Variants in HPSE2 observed in about 807,000 individuals in gnomAD.
HPSE2 encodes the protein heparanase 2 (inactive), also known as inactive heparanase-2.
A neutral mutation model predicts 60.5 loss-of-function variants in HPSE2; 38 were observed. The ratio of observed to expected loss-of-function variants is 0.63; its 90% confidence interval spans 0.48 to 0.82. The LOEUF (loss-of-function observed/expected upper bound fraction) is 0.82, where lower values mean the gene tolerates loss of function less well. Among genes scored for constraint, HPSE2 ranks in the 40% least tolerant of loss-of-function variants. The pLI is 0.00. For missense variants in HPSE2, 713 were observed against 740.4 expected (o/e 0.96, Z 0.43); for synonymous variants, 295 against 293.2 (o/e 1.01, Z -0.06).
the HPSE2 span, among the ~76,000 whole-genome samples, chr10:99,315,463 T>C: frequency 6.6e-6 from 1 of 152,146 alleles, no homozygotes; most frequent in African/African-American, 2.4e-5. Context: ...AACTCCTAGT[T>C]TAACAATGGA....
chr10:99,133,028 T>C (rs1402090635), intron 3 of HPSE2, among the ~76,000 whole-genome samples: 1 of 152,156 alleles, frequency 6.6e-6, no homozygotes, highest in Non-Finnish European at 1.5e-5. Flanking sequence ...CAGTCTGAGA[T>C]TGACCTGGGA....
chr10:99,113,475 A>G (rs577011229), intron 3 of HPSE2, among the ~76,000 whole-genome samples: 1 of 152,304 alleles, frequency 6.6e-6, no homozygotes, highest in South Asian at 2.1e-4. Context: ...ACATACGTAT[A>G]TACACACATG....
intron 3 of HPSE2, chr10:99,047,791 C>T: frequency 3.6e-6 from 3 of 826,398 alleles, no homozygotes; most frequent in Non-Finnish European, 6.3e-6. Flanking sequence ...AGCTTATCTA[C>T]AAAAAAGCAA....
At chr10:98,590,503 C>T (rs1945061163) in intron 9 of HPSE2, among the ~76,000 whole-genome samples, 1 of 152,278 alleles carries the variant, frequency 6.6e-6, no homozygotes, top group Non-Finnish European at 1.5e-5. Context: ...CTTTCATTTT[C>T]GGATTCTCTT....
chr10:99,191,004 C>T (rs1848201284), intron 2 of HPSE2, among the ~76,000 whole-genome samples: 2 of 152,106 alleles, frequency 1.3e-5, no homozygotes, highest in African/African-American at 4.8e-5. Context: ...CACAGCAGGC[C>T]TAGGGTGGTC....
intron 7 of HPSE2, among the ~76,000 whole-genome samples, chr10:98,630,183 GTTTTTTTTTTTGTTT>G (rs1394614448): frequency 6.2e-4 from 80 of 129,906 alleles, no homozygotes; most frequent in African/African-American, 2.0e-3. Flanking sequence ...CGAAGCAATC[GTTTTTTTTTTTGTTT>G]TTTTTTTTTT....
At chr10:98,483,950 T>C (rs905725646) in intron 10 of HPSE2, among the ~76,000 whole-genome samples, 2 of 152,246 alleles carry the variant, frequency 1.3e-5, no homozygotes, top group African/African-American at 4.8e-5. Flanking sequence ...AAGCTTTCAC[T>C]AATTTTGCTC....
At chr10:99,039,667 A>G (rs1461521982) in intron 3 of HPSE2, among the ~76,000 whole-genome samples, 1 of 152,028 alleles carries the variant, frequency 6.6e-6, no homozygotes, top group Non-Finnish European at 1.5e-5. Context: ...ATAATTATCT[A>G]TCGGTGTAAT....
intron 3 of HPSE2, among the ~76,000 whole-genome samples, chr10:98,754,870 GA>G (rs897674737): frequency 1.3e-5 from 2 of 151,718 alleles, no homozygotes; most frequent in Admixed American, 1.3e-4. Context: ...TTCCTTAAAA[GA>G]GGTTCTTAAC....
At chr10:98,500,778 C>A (rs1443132028) in intron 9 of HPSE2, among the ~76,000 whole-genome samples, 1 of 151,636 alleles carries the variant, frequency 6.6e-6, no homozygotes, top group Non-Finnish European at 1.5e-5. Flanking sequence ...AGACCATTAG[C>A]AAGAATAACC....
At chr10:98,570,861 C>T (rs920974233) in intron 9 of HPSE2, among the ~76,000 whole-genome samples, 11 of 152,062 alleles carry the variant, frequency 7.2e-5, no homozygotes, top group African/African-American at 2.4e-4. Flanking sequence ...TAAAAAAATA[C>T]GATTCTTTCT....
intron 7 of HPSE2, among the ~76,000 whole-genome samples, chr10:98,636,344 A>G (rs547054664): frequency 7.3e-5 from 11 of 151,168 alleles, no homozygotes; most frequent in African/African-American, 2.4e-4. Flanking sequence ...GGTTCAAGTG[A>G]TTCTCCTGCC....
rs1014751241 is a variant in HPSE2, at chr10:98,826,280, T to C, written c.611-82224A>G. On this transcript the variant is annotated intron_variant, in intron 3 of 11. Coordinates refer to ENST00000370552, the MANE Select transcript of HPSE2 (RefSeq NM_021828.5). The stretch of plus-strand genomic sequence containing the variant: ...ACTCTGAAAGGATTTTATGTCTGTA[T>C]TGTGTAGGGTCAACAAAAAAGACTC... Among the ~76,000 whole-genome samples the C allele has an allele frequency of 2.6e-5, 4 of 152,344 alleles. No individual in the cohort carries two copies. The East Asian group carries it at 5.8e-4, about 22-fold the overall frequency.
chr10:98,541,071 T>A (rs577739957), intron 9 of HPSE2, among the ~76,000 whole-genome samples: 1 of 152,338 alleles, frequency 6.6e-6, no homozygotes, highest in East Asian at 1.9e-4. Context: ...CAGATTTTAA[T>A]GTAATAATTT....
intron 3 of HPSE2, among the ~76,000 whole-genome samples, chr10:98,817,076 G>C (rs545954551): frequency 6.6e-6 from 1 of 152,074 alleles, no homozygotes; most frequent in South Asian, 2.1e-4. Flanking sequence ...CCTCCCTTTG[G>C]TTGAGGTCAA....
chr10:98,956,175 C>T (rs1358395154), intron 3 of HPSE2, among the ~76,000 whole-genome samples: 1 of 152,086 alleles, frequency 6.6e-6, no homozygotes, highest in Non-Finnish European at 1.5e-5. Flanking sequence ...ATTGTTTTCT[C>T]TCTGAAGACA....
intron 9 of HPSE2, among the ~76,000 whole-genome samples, chr10:98,608,006 G>C (rs1436815706): frequency 6.6e-6 from 1 of 152,154 alleles, no homozygotes; most frequent in South Asian, 2.1e-4. Context: ...TGTGGTAAAA[G>C]ATACATATTC....
chr10:99,217,512 A>AT (rs1387271766), intron 2 of HPSE2, among the ~76,000 whole-genome samples: 7 of 151,556 alleles, frequency 4.6e-5, no homozygotes, highest in African/African-American at 1.5e-4. Flanking sequence ...ACCTGGGGAG[A>AT]TTTTTTTTAA....
At chr10:98,572,422 G>A (rs1444293866) in intron 9 of HPSE2, among the ~76,000 whole-genome samples, 2 of 152,130 alleles carry the variant, frequency 1.3e-5, no homozygotes, top group Non-Finnish European at 2.9e-5. Flanking sequence ...ATATCTCAAT[G>A]TGGATCTTTC....
Sources: gnomAD v4.1 joint callset for allele counts (sites outside exome capture counted in the v4.1 genomes callset) on GRCh38, gnomAD v4.1.1 for gene constraint, MANE v1.5 for transcripts, NCBI Gene and HGNC (gene_info 2026-07-23, HGNC 2026-07-21) for gene names.